Variants in KIAA1217 observed in about 807,000 individuals in gnomAD.
KIAA1217 encodes sickle tail protein homolog.
A neutral mutation model predicts 163.9 loss-of-function variants in KIAA1217; 88 were observed. The ratio of observed to expected loss-of-function variants is 0.54; its 90% CI spans 0.45 to 0.64. The LOEUF (loss-of-function observed/expected upper bound fraction) is 0.64, where lower values mean the gene tolerates loss of function less well. Ranked by LOEUF, KIAA1217 falls within the 30% of genes least tolerant of loss-of-function variation. The pLI is 0.00. For missense variants in KIAA1217, 2,372 were observed against 2,475.0 expected, an observed-to-expected ratio of 0.96 and a Z score of 0.88; for synonymous variants, 903 against 923.1, an observed-to-expected ratio of 0.98 and a Z score of 0.39.
chr10:23,943,289 A>C (rs1358610000), intron 1 of KIAA1217, among the ~76,000 whole-genome samples: 1 of 152,210 alleles, frequency 6.6e-6, no homozygotes, highest in Non-Finnish European at 1.5e-5. Flanking sequence ...AGAACAAATA[A>C]ATTTAGCAAG....
At chr10:24,509,310 T>A (rs2068779965) in intron 9 of KIAA1217, among the ~76,000 whole-genome samples, 1 of 152,192 alleles carries the variant, frequency 6.6e-6, no homozygotes, top group African/African-American at 2.4e-5. Context: ...TATGTAGACC[T>A]TGTTCATTCA....
At chr10:24,263,082 C>T (rs2075878746) in intron 2 of KIAA1217, among the ~76,000 whole-genome samples, 1 of 152,206 alleles carries the variant, frequency 6.6e-6, no homozygotes, top group Non-Finnish European at 1.5e-5. Context: ...TTTATGCTGT[C>T]TCTGAGGTTG....
At chr10:23,841,743 T>C (rs902233544) in intron 1 of KIAA1217, among the ~76,000 whole-genome samples, 2 of 152,140 alleles carry the variant, frequency 1.3e-5, no homozygotes, top group African/African-American at 4.8e-5. Flanking sequence ...TTTATTATTA[T>C]AATGTTGAGG....
chr10:24,365,869 T>G (rs1325604110), intron 2 of KIAA1217, among the ~76,000 whole-genome samples: 1 of 152,194 alleles, frequency 6.6e-6, no homozygotes, highest in African/African-American at 2.4e-5. Flanking sequence ...TGGGACTAAG[T>G]TCTAAGTAAT....
intron 1 of KIAA1217, among the ~76,000 whole-genome samples, chr10:23,833,064 C>T (rs1316538620): frequency 6.6e-6 from 1 of 152,032 alleles, no homozygotes; most frequent in Admixed American, 6.6e-5. Flanking sequence ...CACAGCCAAA[C>T]CATATCAATA....
intron 1 of KIAA1217, among the ~76,000 whole-genome samples, chr10:23,722,137 T>C (rs995577370): frequency 6.6e-6 from 1 of 151,688 alleles, no homozygotes; most frequent in Non-Finnish European, 1.5e-5. Flanking sequence ...TTACTTAGAG[T>C]AGTCAAAGTC....
chr10:23,892,067 G>T (rs1234778949), intron 1 of KIAA1217, among the ~76,000 whole-genome samples: 2 of 151,630 alleles, frequency 1.3e-5, no homozygotes, highest in African/African-American at 2.4e-5. Flanking sequence ...AATATGAATG[G>T]TGATAAAAAT....
intron 2 of KIAA1217, among the ~76,000 whole-genome samples, chr10:24,014,228 G>A (rs1349871095): frequency 6.6e-6 from 1 of 152,068 alleles, no homozygotes; most frequent in Non-Finnish European, 1.5e-5. Context: ...TAAATAAAGG[G>A]TACTTCATGC....
intron 1 of KIAA1217, among the ~76,000 whole-genome samples, chr10:23,841,288 G>GA (rs938763299): frequency 2.6e-5 from 4 of 151,954 alleles, no homozygotes; most frequent in African/African-American, 7.2e-5. Context: ...ATTCCAGAAA[G>GA]AAAAAAACAA....
rs558932461 is a variant in KIAA1217 at position 24,362,752 on chromosome 10, G to A, written c.355-18117G>A. Among the ~76,000 whole-genome samples, 7 of 152,226 alleles carry A rather than the reference G, an allele frequency of 4.6e-5. No individual in the cohort carries two copies. The South Asian group carries it at 1.2e-3, about 27-fold the overall frequency. Reference sequence around the variant, plus strand: ...GCGGTGGCTCACGCCTATAATCCCAGCACTTTGAGAGGCCAGGGTAGGCAG... The same window carrying A: ...GCGGTGGCTCACGCCTATAATCCCAACACTTTGAGAGGCCAGGGTAGGCAG... On this transcript the variant is annotated intron_variant, in intron 2 of 20. Transcript: ENST00000376454.
intron 14 of KIAA1217, among the ~76,000 whole-genome samples, chr10:24,530,471 G>C (rs1288556039): frequency 6.6e-6 from 1 of 152,110 alleles, no homozygotes; most frequent in Non-Finnish European, 1.5e-5. Context: ...TTGTCATGGA[G>C]TTATCATTTT....
At chr10:24,401,205 T>A (rs1264635269) in intron 3 of KIAA1217, among the ~76,000 whole-genome samples, 7 of 150,752 alleles carry the variant, frequency 4.6e-5, no homozygotes, top group South Asian at 2.1e-4. Context: ...ATATATATAT[T>A]TTTATCCAGC....
At chr10:24,514,519 G>T (rs2069733015) in intron 10 of KIAA1217, among the ~76,000 whole-genome samples, 1 of 152,052 alleles carries the variant, frequency 6.6e-6, no homozygotes, top group African/African-American at 2.4e-5. Context: ...ATTAAATTAG[G>T]CTGCTGTTCA....
chr10:24,427,501 G>C (rs1324587713), intron 3 of KIAA1217, among the ~76,000 whole-genome samples: 1 of 152,174 alleles, frequency 6.6e-6, no homozygotes, highest in African/African-American at 2.4e-5. Context: ...ATGATGAGTT[G>C]TAACTTTTAG....
intron 1 of KIAA1217, among the ~76,000 whole-genome samples, chr10:24,001,282 ACAGAGC>A (rs1846733071): frequency 1.3e-5 from 2 of 152,216 alleles, no homozygotes; most frequent in Non-Finnish European, 2.9e-5. Context: ...AATGTCTGTC[ACAGAGC>A]AGCCATTCGG....
chr10:23,845,235 C>T (rs1838968447), intron 1 of KIAA1217, among the ~76,000 whole-genome samples: 1 of 152,066 alleles, frequency 6.6e-6, no homozygotes, highest in Non-Finnish European at 1.5e-5. Context: ...GATTTGTAAT[C>T]CTTTGGGTAT....
intron 3 of KIAA1217, among the ~76,000 whole-genome samples, chr10:24,396,063 G>A (rs553255533): frequency 2.6e-4 from 40 of 152,286 alleles, no homozygotes; most frequent in African/African-American, 8.2e-4. Flanking sequence ...CCGGCCAGGC[G>A]TGGTGGCTCA....
At position 24,547,530 on chromosome 10, in the gene KIAA1217, A is replaced by G. The variant is rs1033768627; in HGVS notation, c.*1206A>G. ...ACTATAACTACTTCCTAGTCAAAGA[A>G]CGAAATGTAACTGTTACCGAGTTAA... On this transcript the variant is annotated 3_prime_UTR_variant, in exon 21 of 21. Coordinates refer to ENST00000376454, the MANE Select transcript of KIAA1217 (RefSeq NM_019590.5). 1.3e-5 allele frequency: 2 copies of G among 152,424 alleles called. No homozygotes were observed. Among genetic ancestry groups the G allele is most frequent in the Non-Finnish European group, 2.9e-5 (2 of 68,026 alleles). 9.4% of individuals were successfully genotyped at this position (152,424 alleles called of 1,614,324 possible).
intron 1 of KIAA1217, among the ~76,000 whole-genome samples, chr10:23,782,945 C>T (rs1283388207): frequency 6.6e-6 from 1 of 152,092 alleles, no homozygotes; most frequent in African/African-American, 2.4e-5. Context: ...CAGTTTTCCC[C>T]CATTAATTAT....
Sources: gnomAD v4.1 joint callset for allele counts (sites outside exome capture counted in the v4.1 genomes callset) on GRCh38, gnomAD v4.1.1 for gene constraint, MANE v1.5 for transcripts, NCBI Gene and HGNC (gene_info 2026-07-23, HGNC 2026-07-21) for gene names.